IFT57: variants seen among roughly 807,000 people sequenced by gnomAD.
The protein encoded by IFT57 is intraflagellar transport protein 57 homolog.
IFT57 carries 59 observed loss-of-function variants against 56.8 expected under a neutral mutation model. That is an observed-to-expected ratio of 1.04 (90% CI 0.84 to 1.29). The LOEUF (loss-of-function observed/expected upper bound fraction) is 1.29. Ranked by LOEUF, IFT57 falls within the 50% of genes most tolerant of loss-of-function variation. IFT57 has a pLI of 0.00. For missense variants in IFT57, 470 were observed against 522.1 expected, an observed-to-expected ratio of 0.90 and a Z score of 0.97; for synonymous variants, 209 against 186.1, an observed-to-expected ratio of 1.12 and a Z score of -1.00.
chr3:108,219,211 G>A (rs1386973875), intron 2 of IFT57, among the ~76,000 whole-genome samples, 199 bp downstream of exon 2: 1 of 151,450 alleles, frequency 6.6e-6, no homozygotes, highest in Non-Finnish European at 1.5e-5. Flanking sequence ...ATATTACTTT[G>A]GACTAATAAA....
intron 6 of IFT57, among the ~76,000 whole-genome samples, chr3:108,175,322 T>A (rs2080118470): frequency 6.6e-6 from 1 of 151,794 alleles, no homozygotes; most frequent in Non-Finnish European, 1.5e-5. Flanking sequence ...AATTTCTATG[T>A]TTCAAAATCC....
chr3:108,222,239 C>T lies in IFT57; in HGVS notation c.84G>A (p.Val28=). ...PRSRGEGTGE[V]VLERGPGAAY... The stretch of plus-strand genomic sequence containing the variant: ...CCGCGCCGGGCCCCCGCTCCAAGAC[C>T]ACTTCCCCGGTCCCTTCGCCACGGG... Residue 28 remains valine (V), a synonymous_variant, in exon 1 of 11, where the codon GTG becomes GTA. Transcript: ENST00000264538. The T allele has an allele frequency of 6.2e-7, 1 of 1,614,144 alleles. No homozygotes were observed. The highest frequency in any genetic ancestry group is 1.3e-5 in the African/African-American group (1 of 75,062).
At chr3:108,181,771 G>A (rs963640696) in intron 6 of IFT57, among the ~76,000 whole-genome samples, 6 of 152,064 alleles carry the variant, frequency 3.9e-5, no homozygotes, top group Admixed American at 6.6e-5. Context: ...AGTAATTGGA[G>A]CTATTATTCC....
chr3:108,169,511 T>C (rs1378151570), intron 6 of IFT57, among the ~76,000 whole-genome samples: 2 of 152,070 alleles, frequency 1.3e-5, no homozygotes, highest in African/African-American at 4.8e-5. Flanking sequence ...TTGTCAATTT[T>C]GACTTTTGTT....
intron 4 of IFT57, among the ~76,000 whole-genome samples, chr3:108,207,447 T>C (rs867299893): frequency 6.6e-6 from 1 of 152,080 alleles, no homozygotes; most frequent in Non-Finnish European, 1.5e-5. Flanking sequence ...ACAAGTGCCA[T>C]AGTAAGTAAC....
chr3:108,169,911 C>T (rs2080084168), intron 6 of IFT57, among the ~76,000 whole-genome samples: 1 of 151,946 alleles, frequency 6.6e-6, no homozygotes. Flanking sequence ...ATGATTATCC[C>T]AATAGATGCA....
At chr3:108,162,864 T>A (rs62264147) in intron 10 of IFT57, among the ~76,000 whole-genome samples, 1 of 152,026 alleles carries the variant, frequency 6.6e-6, no homozygotes, top group African/African-American at 2.4e-5. Flanking sequence ...GTTTGATGTA[T>A]TGAGACTAAA....
At chr3:108,210,529 C>T (rs1470138838) in intron 4 of IFT57, among the ~76,000 whole-genome samples, 1 of 151,876 alleles carries the variant, frequency 6.6e-6, no homozygotes, top group Non-Finnish European at 1.5e-5. Flanking sequence ...GATGGGGTTT[C>T]ACCATGTTAG....
At chr3:108,204,354 G>A (rs2080297784) in intron 5 of IFT57, among the ~76,000 whole-genome samples, 1 of 152,132 alleles carries the variant, frequency 6.6e-6, no homozygotes, top group Non-Finnish European at 1.5e-5. Flanking sequence ...CTAATACTTA[G>A]ATAATTTACA....
chr3:108,205,102 G>A (rs1003171872), intron 5 of IFT57, among the ~76,000 whole-genome samples: 1 of 151,872 alleles, frequency 6.6e-6, no homozygotes, highest in African/African-American at 2.4e-5. Flanking sequence ...TACACTATGG[G>A]GAATATTAAA....
At chr3:108,186,375 G>A (rs971897746) in intron 6 of IFT57, among the ~76,000 whole-genome samples, 1 of 150,994 alleles carries the variant, frequency 6.6e-6, no homozygotes, top group Admixed American at 6.6e-5. Flanking sequence ...ATGGATTTTG[G>A]AGAAATTCAA....
At chr3:108,193,520 AC>A (rs1330189735) in intron 5 of IFT57, among the ~76,000 whole-genome samples, 8 of 152,216 alleles carry the variant, frequency 5.3e-5, no homozygotes, top group African/African-American at 9.6e-5. Flanking sequence ...GTATAAAAAA[AC>A]AAAACATTAA....
chr3:108,165,356 T>A (rs951254540), intron 9 of IFT57, 75 bp downstream of exon 9: 1 of 1,175,594 alleles, frequency 8.5e-7, no homozygotes, highest in Non-Finnish European at 1.3e-6. Context: ...TTAGCAGTGT[T>A]AAACCATTTG....
At chr3:108,184,877 T>C (rs1366471644) in intron 6 of IFT57, among the ~76,000 whole-genome samples, 2 of 152,176 alleles carry the variant, frequency 1.3e-5, no homozygotes, top group African/African-American at 4.8e-5. Context: ...TTTTCATGTT[T>C]AGCATAAACC....
intron 3 of IFT57, among the ~76,000 whole-genome samples, chr3:108,217,727 T>TAA (rs58306903): frequency 2.5e-4 from 37 of 145,506 alleles, no homozygotes; most frequent in Admixed American, 1.0e-3. Context: ...TAGTTCTAAT[T>TAA]AAAAAAAAAA....
rs778194942 is a variant in IFT57, at chr3:108,222,325, C to A, written c.-3G>T. 4 of 1,605,042 alleles carry A rather than the reference C, an allele frequency of 2.5e-6. No homozygotes were observed. The highest frequency in any genetic ancestry group is 2.6e-6 in the Non-Finnish European group (3 of 1,175,416). Reference sequence around the variant, plus strand: ...ACGACGGCCAGAGCAGCAGTCATCGCAGAACGGACAGAGTCCAGCGTGGGC... The same window carrying A: ...ACGACGGCCAGAGCAGCAGTCATCGAAGAACGGACAGAGTCCAGCGTGGGC... On this transcript the variant is annotated 5_prime_UTR_variant, in exon 1 of 11. Transcript: ENST00000264538.
At chr3:108,187,258 G>A (rs1299137581) in intron 6 of IFT57, among the ~76,000 whole-genome samples, 4 of 152,130 alleles carry the variant, frequency 2.6e-5, no homozygotes, top group Non-Finnish European at 5.9e-5. Flanking sequence ...TTCTGTTTAA[G>A]CTAATATTAA....
chr3:108,178,584 C>T (rs528822498), intron 6 of IFT57, among the ~76,000 whole-genome samples: 5 of 151,810 alleles, frequency 3.3e-5, no homozygotes, highest in South Asian at 2.1e-4. Flanking sequence ...GCAGATGGCC[C>T]GATGGCTAAA....
At chr3:108,208,179 G>A (rs539711469) in intron 4 of IFT57, among the ~76,000 whole-genome samples, 1 of 152,284 alleles carries the variant, frequency 6.6e-6, no homozygotes, top group South Asian at 2.1e-4. Context: ...ATACACTCAA[G>A]TGACATTTAC....
Sources: allele counts gnomAD v4.1 joint callset (sites outside exome capture counted in the v4.1 genomes callset), GRCh38; gene constraint gnomAD v4.1.1; transcripts MANE v1.5; gene names NCBI Gene and HGNC (gene_info 2026-07-23, HGNC 2026-07-21).